NIPBL: variants seen among roughly 807,000 people sequenced by gnomAD.
The protein encoded by NIPBL is NIPBL cohesin loading factor, also known as nipped-B-like protein.
In NIPBL, 19 loss-of-function variants were observed where a neutral mutation model predicts 321.8. That is an observed-to-expected ratio of 0.06 (90% CI 0.04 to 0.09). NIPBL has a LOEUF of 0.09. Ranked by LOEUF, NIPBL falls within the 10% of genes least tolerant of loss-of-function variation. The pLI is 1.00. For synonymous variants in NIPBL, 1,106 were observed against 1,114.1 expected, an observed-to-expected ratio of 0.99 and a Z score of 0.14; for missense variants, 2,210 against 3,327.0, an observed-to-expected ratio of 0.66 and a Z score of 8.26.
At position 36,885,687 on chromosome 5, in the gene NIPBL, A is replaced by G. The variant is rs1252565223; in HGVS notation, c.-80+8509A>G. ...ATTGACAATGCCTACCTTGCTGCTG[A>G]TGGCTTTAGAGTCAAGTGTGAGACA... On this transcript the variant is annotated intron_variant, in intron 1 of 46. Coordinates refer to ENST00000282516, the MANE Select transcript of NIPBL (RefSeq NM_133433.4). The G allele has an allele frequency of 6.7e-5, 39 of 578,438 alleles. No individual in the cohort carries two copies. In the East Asian group the frequency reaches 1.5e-3, roughly 23 times the overall value. 35.8% of individuals were successfully genotyped at this position (578,438 alleles called of 1,614,324 possible).
chr5:37,017,807 C>T (rs1467284971), intron 24 of NIPBL, among the ~76,000 whole-genome samples: 1 of 151,816 alleles, frequency 6.6e-6, no homozygotes, highest in Non-Finnish European at 1.5e-5. Context: ...GAAATAATCT[C>T]AACCTTAGAG....
In NIPBL at chr5:36,985,661, G is replaced by A. The variant is rs1014692717; in HGVS notation, c.2481G>A (p.Arg827=). 2.5e-6 allele frequency: 4 copies of A among 1,613,804 alleles called. No homozygotes were observed. Among genetic ancestry groups the A allele is most frequent in the Non-Finnish European group, 3.4e-6 (4 of 1,179,962 alleles). ...ATAATAAACAAAAATCAGATGACAG[G>A]GGTGAATCAGAGCGACATCGAGGGG... ...DHDNKQKSDD[R]GESERHRGDQ... is the part of the protein sequence containing the mutation. Residue 827 remains arginine (R), a synonymous_variant, in exon 10 of 47, where the codon AGG becomes AGA. Transcript: ENST00000282516.
In NIPBL at chr5:37,007,406, T is replaced by C; in HGVS notation, c.4171T>C (p.Cys1391Arg). The C allele has an allele frequency of 2.5e-6, 4 of 1,609,836 alleles. No homozygotes were observed. Among genetic ancestry groups the C allele is most frequent in the Non-Finnish European group, 3.4e-6 (4 of 1,176,574 alleles). The change falls in exon 18 of 47, where the codon TGT (cysteine) becomes CGT (arginine). Residue 1391 changes from cysteine to arginine, a missense_variant. Physicochemically the swap from Cys to Arg is radical, Grantham distance 180. This residue lies in a region of NIPBL where 381 missense variants were observed against 642.3 expected (regional missense o/e 0.59). Transcript: ENST00000282516. ...AATAGTAATGCTTTATAACAAAGTT[T>C]GTGACATTGTTAGCAGCTTATCAGA... ...RVIVMLYNKV[C>R]DIVSSLSELL...
At chr5:36,972,913 C>G (rs1743029091) in intron 8 of NIPBL, among the ~76,000 whole-genome samples, 1 of 152,104 alleles carries the variant, frequency 6.6e-6, no homozygotes, top group African/African-American at 2.4e-5. Flanking sequence ...TGGGCCCTCC[C>G]CTAATCTCCT....
intron 1 of NIPBL, among the ~76,000 whole-genome samples, chr5:36,948,740 A>G (rs1030194076): frequency 6.6e-6 from 1 of 151,878 alleles, no homozygotes; most frequent in African/African-American, 2.4e-5. Flanking sequence ...CTCAAAGTGA[A>G]TTTTGCTTTC....
At chr5:37,061,812 T>C (rs1293498539) in intron 45 of NIPBL, among the ~76,000 whole-genome samples, 1 of 152,082 alleles carries the variant, frequency 6.6e-6, no homozygotes, top group Non-Finnish European at 1.5e-5. Flanking sequence ...TTATACTGCA[T>C]TTTTTTTAAG....
At chr5:37,014,813 G>A in intron 22 of NIPBL, 48 bp downstream of exon 22, 1 of 1,086,332 alleles carries the variant, frequency 9.2e-7, no homozygotes, top group Non-Finnish European at 1.4e-6. Context: ...ACAGTATAGA[G>A]AATAGTTCAT....
chr5:37,009,226 T>G (rs528087581), intron 20 of NIPBL, among the ~76,000 whole-genome samples: 1 of 152,174 alleles, frequency 6.6e-6, no homozygotes, highest in South Asian at 2.1e-4. Flanking sequence ...TTATAAGATT[T>G]TTGTGTCTCA....
At position 36,921,691 on chromosome 5, in the gene NIPBL, TA is replaced by T. The variant is rs1748952915; in HGVS notation, c.-79-31924del. On this transcript the variant is annotated intron_variant, in intron 1 of 46. Coordinates refer to ENST00000282516, the MANE Select transcript of NIPBL (RefSeq NM_133433.4). ...CACAGGAGTAAAATCCTACGTTTTATAAAGCTATTTTAATGAAAATACCAGC... is the reference window on the plus strand; with the variant it reads ...CACAGGAGTAAAATCCTACGTTTTATAAGCTATTTTAATGAAAATACCAGC... Among the ~76,000 whole-genome samples the T allele has an allele frequency of 2.6e-5, 4 of 152,158 alleles. No individual in the cohort carries two copies. In the South Asian group the frequency reaches 8.3e-4, roughly 31 times the overall value.
At chr5:36,893,178 A>G (rs574590650) in intron 1 of NIPBL, among the ~76,000 whole-genome samples, 65 of 152,258 alleles carry the variant, frequency 4.3e-4, no homozygotes, top group African/African-American at 1.5e-3. Flanking sequence ...TTAGTTTTAT[A>G]CTAAATCCAT....
At chr5:37,031,557 T>G (rs1173733261) in intron 32 of NIPBL, among the ~76,000 whole-genome samples, 2 of 152,352 alleles carry the variant, frequency 1.3e-5, no homozygotes, top group South Asian at 2.1e-4. Context: ...TCATTTTAAT[T>G]ACTTAAGATC....
chr5:37,021,665 A>C (rs1561171340), intron 27 of NIPBL, among the ~76,000 whole-genome samples: 1 of 152,240 alleles, frequency 6.6e-6, no homozygotes. Context: ...TGGGCGACAG[A>C]GCGAGACTCC....
At chr5:36,938,421 G>A (rs910925734) in intron 1 of NIPBL, among the ~76,000 whole-genome samples, 7 of 152,050 alleles carry the variant, frequency 4.6e-5, no homozygotes, top group Admixed American at 4.6e-4. Context: ...AGCAGATGGA[G>A]CAAAATGTAA....
chr5:37,064,159 T>TA, intron 46 of NIPBL, 181 bp downstream of exon 46: 1 of 1,423,176 alleles, frequency 7.0e-7, no homozygotes, highest in South Asian at 1.7e-5. Context: ...AAGTTTAACA[T>TA]AAAAGACAAT....
intron 1 of NIPBL, among the ~76,000 whole-genome samples, chr5:36,935,867 C>A (rs1445501337): frequency 6.6e-6 from 1 of 152,030 alleles, no homozygotes; most frequent in Non-Finnish European, 1.5e-5. Flanking sequence ...AAACCCCAGT[C>A]TCTGACTCTA....
chr5:37,026,979 T>C (rs553642915), intron 31 of NIPBL, among the ~76,000 whole-genome samples: 31 of 152,228 alleles, frequency 2.0e-4, no homozygotes, highest in African/African-American at 7.5e-4. Flanking sequence ...TACATTTCTA[T>C]TGATGTCTTT....
At position 37,065,064 on chromosome 5, in the gene NIPBL, C is replaced by A; in HGVS notation, c.*172C>A. 1.4e-6 allele frequency: 1 copy of A among 705,696 alleles called. No individual in the cohort carries two copies. The highest frequency in any genetic ancestry group is 2.4e-6 in the Non-Finnish European group (1 of 420,632). The allele number at this position is 705,696 out of a possible 1,614,324, so 43.7% of individuals were successfully genotyped here. ...AACATTTTTGTGGGAGCTCCCTTCG[C>A]TGTTGTGCAGCAGAAACAGATTCTC... is the stretch of plus-strand genomic sequence containing the variant. On this transcript the variant is annotated 3_prime_UTR_variant, in exon 47 of 47. Coordinates refer to ENST00000282516, the MANE Select transcript of NIPBL (RefSeq NM_133433.4).
intron 29 of NIPBL, among the ~76,000 whole-genome samples, chr5:37,022,739 T>A (rs1178870529): frequency 6.6e-6 from 1 of 152,228 alleles, no homozygotes; most frequent in African/African-American, 2.4e-5. Flanking sequence ...TGTATATATA[T>A]AAACAGGAAG....
chr5:36,921,025 C>G (rs946660035), intron 1 of NIPBL, among the ~76,000 whole-genome samples: 2 of 151,906 alleles, frequency 1.3e-5, no homozygotes, highest in African/African-American at 2.4e-5. Flanking sequence ...TACCTATCTT[C>G]AAAAAACTTC....
Sources: allele counts gnomAD v4.1 joint callset (sites outside exome capture counted in the v4.1 genomes callset), GRCh38; gene constraint gnomAD v4.1.1; regional missense constraint gnomAD v4.1.1; transcripts MANE v1.5; gene names NCBI Gene and HGNC (gene_info 2026-07-23, HGNC 2026-07-21).